CSMD3: variants seen among roughly 807,000 people sequenced by gnomAD.
The protein encoded by CSMD3 is CUB and Sushi multiple domains 3.
A neutral mutation model predicts 435.2 loss-of-function variants in CSMD3; 177 were observed. The observed-to-expected ratio is 0.41, with a 90% CI of 0.36 to 0.46. The LOEUF is 0.46. Ranked by LOEUF, CSMD3 falls within the 20% of genes least tolerant of loss-of-function variation. The pLI, the probability that CSMD3 is intolerant of heterozygous loss-of-function variation, is 0.34. For synonymous variants in CSMD3, 1,656 were observed against 1,520.5 expected (o/e 1.09, Z -2.07); for missense variants, 4,265 against 4,504.6 (o/e 0.95, Z 1.52).
intron 12 of CSMD3, among the ~76,000 whole-genome samples, chr8:112,810,804 A>G (rs1269542615): frequency 6.6e-6 from 1 of 152,132 alleles, no homozygotes; most frequent in Non-Finnish European, 1.5e-5. Flanking sequence ...TCCAAAAAAT[A>G]TTTTATTTAA....
intron 32 of CSMD3, among the ~76,000 whole-genome samples, chr8:112,471,780 A>T (rs1048654760): frequency 6.6e-6 from 1 of 152,284 alleles, no homozygotes; most frequent in South Asian, 2.1e-4. Flanking sequence ...AGGCCCAGAC[A>T]TTCCTCATAG....
intron 3 of CSMD3, among the ~76,000 whole-genome samples, chr8:113,231,482 A>G (rs1021030543): frequency 2.0e-5 from 3 of 151,478 alleles, no homozygotes; most frequent in Admixed American, 6.6e-5. Context: ...TTTTGTGGAA[A>G]TATTTTTTAA....
chr8:112,421,631 T>C (rs996755663), intron 32 of CSMD3, among the ~76,000 whole-genome samples: 6 of 147,432 alleles, frequency 4.1e-5, no homozygotes, highest in African/African-American at 7.4e-5. Flanking sequence ...TATGTACACA[T>C]ATATGTAATA....
chr8:112,741,866 T>C (rs1446584854), intron 13 of CSMD3, among the ~76,000 whole-genome samples: 3 of 151,614 alleles, frequency 2.0e-5, no homozygotes, highest in East Asian at 1.9e-4. Context: ...GGGTTAAGGA[T>C]TGAATAAGAA....
intron 1 of CSMD3, among the ~76,000 whole-genome samples, chr8:113,373,527 T>A (rs1450314764): frequency 2.6e-5 from 4 of 152,090 alleles, no homozygotes; most frequent in Non-Finnish European, 4.4e-5. Context: ...GCTTACATTA[T>A]ATGTGTATAT....
intron 4 of CSMD3, among the ~76,000 whole-genome samples, chr8:113,106,736 T>G (rs969242958): frequency 2.6e-5 from 4 of 152,200 alleles, no homozygotes; most frequent in African/African-American, 9.6e-5. Context: ...AATATTTTAG[T>G]GCTTTTCACA....
At chr8:113,146,879 A>G (rs1051102921) in intron 4 of CSMD3, among the ~76,000 whole-genome samples, 1 of 151,714 alleles carries the variant, frequency 6.6e-6, no homozygotes, top group Non-Finnish European at 1.5e-5. Context: ...GTTCCTTGCT[A>G]GTTGATAAAA....
At chr8:113,258,450 C>T (rs1482194773) in intron 3 of CSMD3, among the ~76,000 whole-genome samples, 1 of 152,148 alleles carries the variant, frequency 6.6e-6, no homozygotes, top group African/African-American at 2.4e-5. Flanking sequence ...CTACATTCTC[C>T]AGCAACCAAT....
chr8:112,881,164 G>A (rs1327448245), intron 10 of CSMD3, among the ~76,000 whole-genome samples: 1 of 151,966 alleles, frequency 6.6e-6, no homozygotes, highest in Non-Finnish European at 1.5e-5. Flanking sequence ...GTTACAGGGA[G>A]AGAGACAAAC....
intron 32 of CSMD3, among the ~76,000 whole-genome samples, chr8:112,449,872 G>A (rs929249720): frequency 6.6e-6 from 1 of 152,018 alleles, no homozygotes; most frequent in South Asian, 2.1e-4. Context: ...ACAGGCACCC[G>A]CCACCACGCC....
rs376438053 is a variant in CSMD3, at chr8:113,314,543, T to G, written c.401+28A>C. ...ACTTTTACCCAGGAAATATTTTCTC[T>G]CCAGTCTTCCATTCAAAACACACTA... On this transcript the variant is annotated intron_variant, in intron 2 of 70. Transcript: ENST00000297405. 4 of 1,309,716 alleles carry G rather than the reference T, an allele frequency of 3.1e-6. No individual in the cohort carries two copies. The African/African-American group carries it at 5.8e-5, about 19-fold the overall frequency. 81.1% of individuals were successfully genotyped at this position (1,309,716 alleles called of 1,614,324 possible).
chr8:112,581,020 C>T (rs1209369540), intron 23 of CSMD3, among the ~76,000 whole-genome samples: 1 of 152,030 alleles, frequency 6.6e-6, no homozygotes, highest in African/African-American at 2.4e-5. Flanking sequence ...AAATTTTGAT[C>T]CAGACTCTGA....
chr8:112,931,008 T>G (rs2130706303), intron 9 of CSMD3, among the ~76,000 whole-genome samples: 1 of 152,230 alleles, frequency 6.6e-6, no homozygotes, highest in Non-Finnish European at 1.5e-5. Context: ...CACATTCAAT[T>G]TATCAGTATT....
intron 20 of CSMD3, among the ~76,000 whole-genome samples, chr8:112,643,078 C>A (rs55968466): frequency 0.018 from 2,799 of 151,828 alleles, 79 homozygotes; most frequent in African/African-American, 0.065. Flanking sequence ...GAATCATGAT[C>A]TAGGGATAGA....
intron 45 of CSMD3, among the ~76,000 whole-genome samples, chr8:112,328,549 G>A (rs978842046): frequency 3.9e-5 from 6 of 152,126 alleles, no homozygotes; most frequent in Admixed American, 6.6e-5. Flanking sequence ...TTAGAGATGC[G>A]AGAAAGAAAG....
At chr8:113,213,184 C>G (rs1036908643) in intron 3 of CSMD3, among the ~76,000 whole-genome samples, 1 of 151,978 alleles carries the variant, frequency 6.6e-6, no homozygotes, top group African/African-American at 2.4e-5. Flanking sequence ...TACCTCTTTT[C>G]CTAGAATGTG....
At chr8:112,557,971 A>G (rs1402771447) in intron 24 of CSMD3, among the ~76,000 whole-genome samples, 2 of 151,840 alleles carry the variant, frequency 1.3e-5, no homozygotes, top group Non-Finnish European at 2.9e-5. Context: ...GAGCCCCTAA[A>G]CTGTGGGGTC....
At chr8:113,281,069 G>A (rs2093609630) in intron 2 of CSMD3, among the ~76,000 whole-genome samples, 1 of 151,570 alleles carries the variant, frequency 6.6e-6, no homozygotes, top group Non-Finnish European at 1.5e-5. Context: ...CTCGTTTTTG[G>A]CCTATCATGT....
intron 11 of CSMD3, 42 bp from the exon 12 acceptor site, chr8:112,829,831 G>A (rs1254297976): frequency 5.5e-6 from 6 of 1,091,610 alleles, no homozygotes; most frequent in Admixed American, 1.7e-5. Flanking sequence ...ATACTGCGTT[G>A]TGCAATAAAA....
Sources: allele counts gnomAD v4.1 joint callset (sites outside exome capture counted in the v4.1 genomes callset), GRCh38; gene constraint gnomAD v4.1.1; transcripts MANE v1.5; gene names NCBI Gene and HGNC (gene_info 2026-07-23, HGNC 2026-07-21).